The following STK4 variants were observed in gnomAD, a reference collection of about 807,000 sequenced individuals.
STK4 encodes the protein serine/threonine kinase 4.
A neutral mutation model predicts 64.9 loss-of-function variants in STK4; 30 were observed. The observed-to-expected ratio is 0.46, with a 90% CI of 0.35 to 0.63. STK4 has a LOEUF of 0.63. Ranked by LOEUF, STK4 falls within the 20% of genes least tolerant of loss-of-function variation. The pLI is 0.01. For missense variants in STK4, 466 were observed against 598.5 expected, an observed-to-expected ratio of 0.78 and a Z score of 2.31; for synonymous variants, 177 against 199.0, an observed-to-expected ratio of 0.89 and a Z score of 0.93.
chr20:44,982,895 A>G (rs1267426537), intron 4 of STK4, among the ~76,000 whole-genome samples: 2 of 152,228 alleles, frequency 1.3e-5, no homozygotes, highest in East Asian at 3.8e-4. Flanking sequence ...AATGATATAT[A>G]CTATGAGGAA....
intron 9 of STK4, among the ~76,000 whole-genome samples, chr20:45,016,890 C>T (rs980067367): frequency 5.9e-5 from 9 of 152,180 alleles, no homozygotes; most frequent in African/African-American, 2.2e-4. Flanking sequence ...GCAGATAAAT[C>T]TTTCTTCATC....
chr20:44,978,017 T>A (rs2067369266), intron 2 of STK4, among the ~76,000 whole-genome samples: 1 of 152,192 alleles, frequency 6.6e-6, no homozygotes, highest in Admixed American at 6.5e-5. Context: ...ATAACACAAC[T>A]GGTTTCAAAT....
rs143289408 is a variant in STK4, at chr20:45,028,065, A to G, written c.1305+2935A>G. On this transcript the variant is annotated intron_variant, in intron 10 of 10. Transcript: ENST00000372806. ...TGGCTATTGTGAATAGTGTTGCAATAAATAGGAGAGTTTAGATATCTTGTT... is the reference window on the plus strand; with the variant it reads ...TGGCTATTGTGAATAGTGTTGCAATGAATAGGAGAGTTTAGATATCTTGTT... Among the ~76,000 whole-genome samples the G allele has an allele frequency of 3.5e-3, 534 of 152,328 alleles. 2 individuals carry two copies. The highest frequency in any genetic ancestry group is 0.012 in the African/African-American group (492 of 41,582).
intron 10 of STK4, among the ~76,000 whole-genome samples, chr20:45,071,595 A>G (rs954075970): frequency 1.3e-5 from 2 of 152,194 alleles, no homozygotes; most frequent in Non-Finnish European, 2.9e-5. Context: ...ATCAAGGGCA[A>G]CAAAACTGCC....
chr20:44,986,165 T>TA (rs2067526767), intron 4 of STK4, among the ~76,000 whole-genome samples: 1 of 152,174 alleles, frequency 6.6e-6, no homozygotes, highest in Non-Finnish European at 1.5e-5. Context: ...TGATATCACA[T>TA]ACATAGATAA....
chr20:44,971,952 C>T, intron 1 of STK4, 126 bp from the exon 2 acceptor site: 1 of 844,616 alleles, frequency 1.2e-6, no homozygotes, highest in East Asian at 3.0e-5. Flanking sequence ...TTTCTTAAAA[C>T]AGTCTTAACT....
At position 45,012,053 on chromosome 20, in the gene STK4, T is replaced by G. The variant is rs1462309847; in HGVS notation, c.1147+10700T>G. ...CTCCGATACAAATTTTTTTTTTTTT[T>G]TGAGATGGAGTCTTGCTCTGTCACC... On this transcript the variant is annotated intron_variant, in intron 9 of 10. Coordinates refer to ENST00000372806, the MANE Select transcript of STK4 (RefSeq NM_006282.5). Among the ~76,000 whole-genome samples the G allele has an allele frequency of 3.3e-5, 5 of 151,862 alleles. No homozygotes were observed. In the East Asian group the frequency reaches 9.7e-4, roughly 29 times the overall value.
intron 9 of STK4, among the ~76,000 whole-genome samples, chr20:45,016,286 A>G (rs1271015004): frequency 3.9e-5 from 6 of 152,196 alleles, no homozygotes; most frequent in Non-Finnish European, 7.3e-5. Flanking sequence ...CTTCTTTTGT[A>G]AAGTTTCAGC....
chr20:44,983,853 T>C (rs2067482493), intron 4 of STK4, among the ~76,000 whole-genome samples: 1 of 152,226 alleles, frequency 6.6e-6, no homozygotes, highest in Non-Finnish European at 1.5e-5. Context: ...AACTGAGTTA[T>C]AACTTTTGGA....
intron 10 of STK4, among the ~76,000 whole-genome samples, chr20:45,055,366 G>A (rs754004781): frequency 7.2e-5 from 11 of 152,032 alleles, no homozygotes; most frequent in Admixed American, 1.3e-4. Flanking sequence ...GGTCTCTGCC[G>A]CTTCCCAAGA....
chr20:45,018,246 A>G (rs879417216), intron 9 of STK4, among the ~76,000 whole-genome samples: 1 of 152,136 alleles, frequency 6.6e-6, no homozygotes, highest in Non-Finnish European at 1.5e-5. Flanking sequence ...GCAAACATTC[A>G]TGCATGAAAC....
intron 2 of STK4, chr20:44,973,390 C>T (rs575138887): frequency 1.2e-3 from 176 of 152,276 alleles, no homozygotes; most frequent in African/African-American, 4.1e-3. Flanking sequence ...AAAGACAAGT[C>T]CAAGATGAAT....
chr20:45,045,517 T>C (rs566325119), intron 10 of STK4, among the ~76,000 whole-genome samples: 3 of 152,338 alleles, frequency 2.0e-5, no homozygotes, highest in South Asian at 4.1e-4. Flanking sequence ...TCAAATAACA[T>C]GTGATAGGGA....
chr20:44,985,429 C>A (rs899846512), intron 4 of STK4, among the ~76,000 whole-genome samples: 1 of 152,048 alleles, frequency 6.6e-6, no homozygotes, highest in Non-Finnish European at 1.5e-5. Flanking sequence ...CTGCAATCTC[C>A]GCCTCCCGGG....
chr20:45,056,776 A>G (rs190616526), intron 10 of STK4, among the ~76,000 whole-genome samples: 8 of 152,316 alleles, frequency 5.3e-5, no homozygotes, highest in East Asian at 1.9e-4. Context: ...ACCTATGATA[A>G]AAGAGTAACT....
intron 10 of STK4, among the ~76,000 whole-genome samples, chr20:45,061,922 C>A (rs186951785): frequency 6.8e-6 from 1 of 146,800 alleles, no homozygotes; most frequent in African/African-American, 2.5e-5. Context: ...GTCTGTCGCC[C>A]ACGCTGGAGT....
At chr20:45,070,757 A>C (rs1979989698) in intron 10 of STK4, among the ~76,000 whole-genome samples, 1 of 152,008 alleles carries the variant, frequency 6.6e-6, no homozygotes, top group Admixed American at 6.6e-5. Flanking sequence ...CGCAGGTGGC[A>C]GGCGCCTGTA....
At chr20:45,000,039 A>G (rs531681646) in intron 7 of STK4, among the ~76,000 whole-genome samples, 1 of 152,330 alleles carries the variant, frequency 6.6e-6, no homozygotes, top group South Asian at 2.1e-4. Flanking sequence ...CAAAATTGCT[A>G]ATGTCCCATG....
chr20:45,030,077 A>G (rs886130744), intron 10 of STK4, among the ~76,000 whole-genome samples: 1 of 151,334 alleles, frequency 6.6e-6, no homozygotes, highest in Admixed American at 6.6e-5. Context: ...GATATGTGTC[A>G]GACTTGCTAA....
Sources: gnomAD v4.1 joint callset for allele counts (sites outside exome capture counted in the v4.1 genomes callset) on GRCh38, gnomAD v4.1.1 for gene constraint, MANE v1.5 for transcripts, NCBI Gene and HGNC (gene_info 2026-07-23, HGNC 2026-07-21) for gene names.